The following DHRSX variants were observed in gnomAD, a reference collection of about 807,000 sequenced individuals.
The protein encoded by DHRSX is polyprenol dehydrogenase.
A neutral mutation model predicts 34.0 loss-of-function variants in DHRSX; 31 were observed. The ratio of observed to expected loss-of-function variants is 0.91; its 90% CI spans 0.69 to 1.23. DHRSX has a LOEUF of 1.23. Among genes scored for constraint, DHRSX ranks in the 50% most tolerant of loss-of-function variants. The pLI is 0.00. For missense variants in DHRSX, 414 were observed against 428.1 expected, an observed-to-expected ratio of 0.97 and a Z score of 0.29; for synonymous variants, 201 against 183.8, an observed-to-expected ratio of 1.09 and a Z score of -0.76.
intron 1 of DHRSX, among the ~76,000 whole-genome samples, chrX:2,459,112 T>A (rs1297472138): frequency 6.6e-6 from 1 of 152,124 alleles, no homozygotes; most frequent in African/African-American, 2.4e-5. Flanking sequence ...CACTCCAGCC[T>A]GGGTGATAGA....
At chrX:2,464,121 GGCC>G (rs899853010) in intron 1 of DHRSX, among the ~76,000 whole-genome samples, 8 of 149,686 alleles carry the variant, frequency 5.3e-5, no homozygotes, top group African/African-American at 2.0e-4. Flanking sequence ...GCTAAGGGAC[GGCC>G]GCCATGTACG....
intron 3 of DHRSX, among the ~76,000 whole-genome samples, chrX:2,342,284 G>T (rs1448148910): frequency 6.6e-6 from 1 of 152,034 alleles, no homozygotes; most frequent in Non-Finnish European, 1.5e-5. Context: ...TCTGCATTTG[G>T]TGTTGCCAAA....
intron 3 of DHRSX, among the ~76,000 whole-genome samples, chrX:2,306,219 T>A (rs2042094959): frequency 6.6e-6 from 1 of 152,082 alleles, no homozygotes; most frequent in Admixed American, 6.5e-5. Flanking sequence ...GCATCTTTTT[T>A]TTTTTGCATC....
intron 1 of DHRSX, among the ~76,000 whole-genome samples, chrX:2,464,331 T>C (rs2044450408): frequency 1.5e-5 from 1 of 68,654 alleles, no homozygotes; most frequent in Non-Finnish European, 3.1e-5. Context: ...AGAGGTTCCC[T>C]AGCAATCCGG....
In DHRSX at chrX:2,376,693, T is replaced by C. The variant is rs1462462809; in HGVS notation, c.286+32052A>G. Among the ~76,000 whole-genome samples, 2 of 95,108 alleles carry C rather than the reference T, an allele frequency of 2.1e-5. 1 individual carries two copies. Among genetic ancestry groups the C allele is most frequent in the East Asian group, 4.6e-4 (2 of 4,312 alleles). The allele number at this position is 95,108 out of a possible 152,430, so 62.4% of individuals were successfully genotyped here. A position where few individuals can be genotyped will look rare whatever the true frequency, so the allele number is the denominator to read the frequency against. ...CTGTTAACTGAATAACTGGTGTCCT[T>C]ATAAGAAAAGGAACATTGGAGGCCG... On this transcript the variant is annotated intron_variant, in intron 3 of 6. Transcript: ENST00000334651.
At chrX:2,298,622 A>ACACGCG (rs1335290141) in intron 3 of DHRSX, among the ~76,000 whole-genome samples, 2 of 147,990 alleles carry the variant, frequency 1.4e-5, no homozygotes, top group Admixed American at 6.7e-5. Context: ...ACACACACAC[A>ACACGCG]CACACACACA....
chrX:2,357,698 A>T (rs1293401910), intron 3 of DHRSX, among the ~76,000 whole-genome samples: 1 of 133,016 alleles, frequency 7.5e-6, no homozygotes, highest in African/African-American at 2.9e-5. Flanking sequence ...GACTCAGGAA[A>T]TTAAAAAAAA....
At chrX:2,405,958 A>G in intron 3 of DHRSX, among the ~76,000 whole-genome samples, 1 of 150,922 alleles carries the variant, frequency 6.6e-6, no homozygotes, top group African/African-American at 2.4e-5. Flanking sequence ...AAAAGCACTT[A>G]GCATTTGGAT....
intron 1 of DHRSX, among the ~76,000 whole-genome samples, chrX:2,427,266 G>T (rs1171353759): frequency 2.6e-5 from 4 of 152,220 alleles, no homozygotes; most frequent in Admixed American, 2.6e-4. Context: ...CTGGAGCCAA[G>T]CACATGGAAG....
intron 1 of DHRSX, among the ~76,000 whole-genome samples, chrX:2,464,047 T>C (rs1383056423): frequency 1.3e-5 from 2 of 152,048 alleles, no homozygotes; most frequent in East Asian, 3.9e-4. Flanking sequence ...CTGGAGACGT[T>C]CCCTAAGTAT....
At chrX:2,379,595 GTTT>G (rs749144665) in intron 3 of DHRSX, among the ~76,000 whole-genome samples, 16 of 103,924 alleles carry the variant, frequency 1.5e-4, no homozygotes, top group African/African-American at 5.0e-4. Context: ...GGCAGTGGAG[GTTT>G]TTTTTTTTTT....
At chrX:2,240,297 AAAAAAG>A (rs1211361073) in intron 6 of DHRSX, among the ~76,000 whole-genome samples, 12 of 151,906 alleles carry the variant, frequency 7.9e-5, no homozygotes, top group South Asian at 6.3e-4. Context: ...ATCTCAAAAA[AAAAAAG>A]AAAAAGAAAA....
chrX:2,224,898 C>G (rs1603473293), intron 6 of DHRSX, among the ~76,000 whole-genome samples: 1 of 124,608 alleles, frequency 8.0e-6, no homozygotes, highest in Non-Finnish European at 1.6e-5. Flanking sequence ...TGCTCACACT[C>G]GCACACACAC....
At chrX:2,307,764 CA>C (rs373601749) in intron 3 of DHRSX, among the ~76,000 whole-genome samples, 75,109 of 111,376 alleles carry the variant, frequency 0.67, 24,032 homozygotes, top group Middle Eastern at 0.79. Flanking sequence ...GACTCCCTCT[CA>C]AAAAAAAAAA....
chrX:2,293,269 T>TTC (rs1491567057), intron 3 of DHRSX, among the ~76,000 whole-genome samples: 13 of 148,204 alleles, frequency 8.8e-5, no homozygotes, highest in African/African-American at 3.2e-4. Flanking sequence ...TTTTTTTTTT[T>TTC]CCCAGAAGGA....
chrX:2,232,033 C>CCTCCTCCCTTCCTT (rs374747047), intron 6 of DHRSX, among the ~76,000 whole-genome samples: 12 of 145,224 alleles, frequency 8.3e-5, no homozygotes, highest in African/African-American at 1.3e-4. Context: ...TCTTCCTTCT[C>CCTCCTCCCTTCCTT]CTCCTTTTTC....
chrX:2,440,318 A>G (rs1463159091), intron 1 of DHRSX, among the ~76,000 whole-genome samples: 2 of 151,136 alleles, frequency 1.3e-5, no homozygotes, highest in Non-Finnish European at 2.9e-5. Flanking sequence ...CTCCCATCTC[A>G]GCCTCCTGAG....
intron 3 of DHRSX, among the ~76,000 whole-genome samples, chrX:2,335,859 C>G (rs2042553177): frequency 6.6e-6 from 1 of 152,014 alleles, no homozygotes; most frequent in Admixed American, 6.6e-5. Flanking sequence ...TCCTTTCAAA[C>G]CTTCTTAAAT....
chrX:2,485,299 AG>A (rs2044860525), intron 1 of DHRSX, among the ~76,000 whole-genome samples: 1 of 152,068 alleles, frequency 6.6e-6, no homozygotes, highest in Admixed American at 6.6e-5. Flanking sequence ...CTTAGTTATG[AG>A]GACTGAAAAT....
Sources: gnomAD v4.1 joint callset for allele counts (sites outside exome capture counted in the v4.1 genomes callset) on GRCh38, gnomAD v4.1.1 for gene constraint, MANE v1.5 for transcripts, NCBI Gene and HGNC (gene_info 2026-07-23, HGNC 2026-07-21) for gene names.